The following CRIM1 variants were observed in gnomAD, a reference collection of about 807,000 sequenced individuals.
The protein encoded by CRIM1 is cysteine rich transmembrane BMP regulator 1.
In CRIM1, 32 loss-of-function variants were observed where a neutral mutation model predicts 116.4. The ratio of observed to expected loss-of-function variants is 0.27; its 90% CI spans 0.21 to 0.37. The LOEUF (loss-of-function observed/expected upper bound fraction) is 0.37, where lower values mean the gene tolerates loss of function less well. Among genes scored for constraint, CRIM1 ranks in the 10% least tolerant of loss-of-function variants. CRIM1 has a pLI of 1.00. For synonymous variants in CRIM1, 590 were observed against 509.2 expected (o/e 1.16, Z -2.13); for missense variants, 1,331 against 1,354.8 (o/e 0.98, Z 0.28).
intron 7 of CRIM1, among the ~76,000 whole-genome samples, chr2:36,491,995 C>G (rs1680258758): frequency 6.6e-6 from 1 of 151,980 alleles, no homozygotes; most frequent in African/African-American, 2.4e-5. Flanking sequence ...AAAAGATACC[C>G]CACTCTATAA....
intron 8 of CRIM1, among the ~76,000 whole-genome samples, chr2:36,501,406 G>A (rs1328616960): frequency 6.6e-6 from 1 of 152,176 alleles, no homozygotes; most frequent in Non-Finnish European, 1.5e-5. Flanking sequence ...AGTGGCGTTA[G>A]TGCTAAAACT....
At chr2:36,448,306 C>T (rs895030927) in intron 4 of CRIM1, among the ~76,000 whole-genome samples, 3 of 152,240 alleles carry the variant, frequency 2.0e-5, no homozygotes, top group African/African-American at 7.2e-5. Flanking sequence ...AGGATGGATC[C>T]AGCCTGGGCT....
At chr2:36,488,535 G>C (rs575375556) in intron 7 of CRIM1, among the ~76,000 whole-genome samples, 11 of 152,334 alleles carry the variant, frequency 7.2e-5, no homozygotes, top group Non-Finnish European at 8.8e-5. Context: ...TACGGGACAT[G>C]TAACATGTTT....
At chr2:36,379,215 T>G (rs929997109) in intron 1 of CRIM1, 1 of 152,210 alleles carries the variant, frequency 6.6e-6, no homozygotes, top group African/African-American at 2.4e-5. Flanking sequence ...TGAAATAAAT[T>G]TATCAGTGCA....
intron 1 of CRIM1, among the ~76,000 whole-genome samples, chr2:36,383,517 T>TAA (rs1305929099): frequency 6.6e-6 from 1 of 152,220 alleles, no homozygotes; most frequent in African/African-American, 2.4e-5. Context: ...TAGTAGAGTA[T>TAA]AATACTAGTT....
At chr2:36,467,419 T>G (rs1376356423) in intron 5 of CRIM1, among the ~76,000 whole-genome samples, 1 of 152,350 alleles carries the variant, frequency 6.6e-6, no homozygotes, top group East Asian at 1.9e-4. Context: ...AATGTGTCTG[T>G]GTATGTATAT....
intron 14 of CRIM1, among the ~76,000 whole-genome samples, chr2:36,542,743 A>G (rs1029326908): frequency 6.6e-6 from 1 of 152,206 alleles, no homozygotes. Flanking sequence ...AAAGGTGTCA[A>G]GTAAATGGCG....
At chr2:36,480,116 C>T (rs1274591583) in intron 7 of CRIM1, among the ~76,000 whole-genome samples, 1 of 152,208 alleles carries the variant, frequency 6.6e-6, no homozygotes, top group Non-Finnish European at 1.5e-5. Flanking sequence ...ACCATGAAAG[C>T]CAATTTCCAC....
intron 4 of CRIM1, among the ~76,000 whole-genome samples, chr2:36,446,730 A>G (rs1676270221): frequency 1.3e-5 from 2 of 152,138 alleles, no homozygotes; most frequent in Admixed American, 6.5e-5. Context: ...TATGAGTTAT[A>G]TGGCAGTGCA....
chr2:36,463,288 A>G (rs928511231), intron 4 of CRIM1, among the ~76,000 whole-genome samples: 1 of 152,246 alleles, frequency 6.6e-6, no homozygotes, highest in African/African-American at 2.4e-5. Flanking sequence ...CTTGTGGACT[A>G]TAAGCATATT....
rs537843681 is a variant in CRIM1 at position 36,382,427 on chromosome 2, G to A, written c.332-14187G>A. 5.3e-5 allele frequency among the ~76,000 whole-genome samples: 8 copies of A among 152,360 alleles called. No homozygotes were observed. The South Asian group carries it at 1.7e-3, about 32-fold the overall frequency. On this transcript the variant is annotated intron_variant, in intron 1 of 16. Coordinates refer to ENST00000280527, the MANE Select transcript of CRIM1 (RefSeq NM_016441.3). ...CTGAGTAAATTAACTTCTGTGCCCA[G>A]GGTAGTCTTGAATGATAATTAGTGC...
At chr2:36,530,598 AG>A (rs1666048281) in intron 13 of CRIM1, among the ~76,000 whole-genome samples, 1 of 152,188 alleles carries the variant, frequency 6.6e-6, no homozygotes, top group Non-Finnish European at 1.5e-5. Flanking sequence ...GCATTGTTAC[AG>A]GTATAAACTA....
intron 2 of CRIM1, among the ~76,000 whole-genome samples, chr2:36,429,328 G>A (rs3770895): frequency 0.28 from 42,646 of 152,060 alleles, 6,171 homozygotes; most frequent in South Asian, 0.4. Flanking sequence ...CAACACTGAC[G>A]CAGAACACAG....
At chr2:36,370,645 T>C (rs1434420510) in intron 1 of CRIM1, among the ~76,000 whole-genome samples, 1 of 152,170 alleles carries the variant, frequency 6.6e-6, no homozygotes, top group Non-Finnish European at 1.5e-5. Context: ...TGTGTGTGAA[T>C]ATGTAAGTGA....
intron 4 of CRIM1, among the ~76,000 whole-genome samples, chr2:36,450,771 A>G (rs557728119): frequency 5.3e-5 from 8 of 152,334 alleles, no homozygotes; most frequent in African/African-American, 7.2e-5. Context: ...TGCTTTCACT[A>G]TAACATCTAA....
chr2:36,403,431 C>T (rs956347673), intron 2 of CRIM1, among the ~76,000 whole-genome samples: 4 of 152,076 alleles, frequency 2.6e-5, no homozygotes, highest in East Asian at 1.9e-4. Flanking sequence ...AAATAAGAAC[C>T]GTGTTGCATT....
chr2:36,433,068 G>C (rs191632585), intron 2 of CRIM1, among the ~76,000 whole-genome samples: 147 of 152,278 alleles, frequency 9.7e-4, no homozygotes, highest in Middle Eastern at 3.4e-3. Context: ...CACTTCTAGC[G>C]AGCTCCTTAG....
intron 3 of CRIM1, 59 bp from the exon 4 acceptor site, chr2:36,442,556 G>T: frequency 1.2e-6 from 2 of 1,605,296 alleles, no homozygotes; most frequent in South Asian, 2.2e-5. Context: ...TTTCATTTAG[G>T]GACTCCAAAA....
At chr2:36,398,233 A>G (rs1250151030) in intron 2 of CRIM1, among the ~76,000 whole-genome samples, 1 of 152,162 alleles carries the variant, frequency 6.6e-6, no homozygotes, top group Non-Finnish European at 1.5e-5. Context: ...AAGCTGTCCT[A>G]AATGGTGAGT....
Sources: allele counts gnomAD v4.1 joint callset (sites outside exome capture counted in the v4.1 genomes callset), GRCh38; gene constraint gnomAD v4.1.1; transcripts MANE v1.5; gene names NCBI Gene and HGNC (gene_info 2026-07-23, HGNC 2026-07-21).